SYT16: variants seen among roughly 807,000 people sequenced by gnomAD.
SYT16 encodes synaptotagmin 16, also known as synaptotagmin-16.
Under a neutral mutation model 61.4 loss-of-function variants are expected in SYT16, and 42 were observed. That is an observed-to-expected ratio of 0.68 (90% CI 0.53 to 0.89). SYT16 has a LOEUF of 0.89. SYT16 is among the 40% of genes least tolerant of loss of function. SYT16 has a pLI of 0.00. For synonymous variants in SYT16, 314 were observed against 302.3 expected (o/e 1.04, Z -0.40); for missense variants, 804 against 807.3 (o/e 1.00, Z 0.05).
intron 7 of SYT16, among the ~76,000 whole-genome samples, chr14:62,085,485 T>A (rs1443718343): frequency 1.3e-5 from 2 of 152,152 alleles, no homozygotes; most frequent in African/African-American, 2.4e-5. Context: ...GAAATCAGTA[T>A]ATTTGTGGCA....
intron 2 of SYT16, among the ~76,000 whole-genome samples, chr14:61,984,846 G>A (rs2052235364): frequency 6.6e-6 from 1 of 152,136 alleles, no homozygotes; most frequent in African/African-American, 2.4e-5. Context: ...CCACTATCAT[G>A]CCTAGAAAAC....
At chr14:61,831,605 C>G (rs1046951323) in intron 1 of SYT16, among the ~76,000 whole-genome samples, 1 of 152,172 alleles carries the variant, frequency 6.6e-6, no homozygotes, top group African/African-American at 2.4e-5. Context: ...GCATCTCTTT[C>G]TGTGTTTCTT....
chr14:61,895,322 A>G (rs2048289152), intron 1 of SYT16, among the ~76,000 whole-genome samples: 2 of 152,174 alleles, frequency 1.3e-5, no homozygotes, highest in South Asian at 4.1e-4. Flanking sequence ...TAGAGCACCA[A>G]GAAACTTTGC....
intron 7 of SYT16, among the ~76,000 whole-genome samples, chr14:62,085,417 A>G (rs2140986061): frequency 6.6e-6 from 1 of 152,304 alleles, no homozygotes; most frequent in South Asian, 2.1e-4. Flanking sequence ...AAGGGAGTAG[A>G]GTAGAGGGCT....
intron 3 of SYT16, among the ~76,000 whole-genome samples, chr14:62,013,185 TAAAAG>T (rs1458230438): frequency 6.6e-6 from 1 of 152,210 alleles, no homozygotes; most frequent in Non-Finnish European, 1.5e-5. Flanking sequence ...TATTTTTAAA[TAAAAG>T]GTGATCATTT....
intron 1 of SYT16, among the ~76,000 whole-genome samples, chr14:61,898,647 G>T (rs1350706358): frequency 6.6e-6 from 1 of 152,206 alleles, no homozygotes; most frequent in African/African-American, 2.4e-5. Flanking sequence ...ACTCCTTCCA[G>T]TGGGCACAGA....
At chr14:61,941,438 A>G (rs1285153018) in intron 1 of SYT16, among the ~76,000 whole-genome samples, 1 of 152,268 alleles carries the variant, frequency 6.6e-6, no homozygotes, top group Non-Finnish European at 1.5e-5. Flanking sequence ...GTTTTTTTCT[A>G]AATCTTCATT....
rs77145590 is a variant in SYT16, at chr14:62,093,853, A to T, written c.1625-6541A>T. Among the ~76,000 whole-genome samples, 1,098 of 152,254 alleles carry T rather than the reference A, an allele frequency of 7.2e-3. 7 individuals carry two copies. Among genetic ancestry groups the T allele is most frequent in the East Asian group, 0.038 (198 of 5,194 alleles). On this transcript the variant is annotated intron_variant, in intron 7 of 7. Transcript: ENST00000683842. ...ATATAGACTAGGCTGTGATGTAATG[A>T]TTAAACCCTGCTGACTCAGGGGCTT...
At chr14:61,971,175 C>G (rs1328052471) in intron 2 of SYT16, among the ~76,000 whole-genome samples, 1 of 151,948 alleles carries the variant, frequency 6.6e-6, no homozygotes, top group Non-Finnish European at 1.5e-5. Context: ...AGCTTTTTTG[C>G]CTTGTTACGA....
chr14:61,880,301 T>A lies in SYT16; in HGVS notation c.-325+67491T>A, dbSNP rs1054574952. Among the ~76,000 whole-genome samples, 21 of 152,166 alleles carry A rather than the reference T, an allele frequency of 1.4e-4. 1 individual carries two copies. Among genetic ancestry groups the A allele is most frequent in the Admixed American group, 3.9e-4 (6 of 15,278 alleles). On this transcript the variant is annotated intron_variant, in intron 1 of 7. Transcript: ENST00000683842. ...AACTTCCATATGTGGGTATGGGGGG[T>A]CTGTTTCTGGACTAGCAGGTCAGAG...
rs1372791041 is a variant in SYT16, at chr14:62,100,640, A to G, written c.1871A>G (p.His624Arg). Residue 624 changes from histidine (H) to arginine (R), a missense_variant, in exon 8 of 8, where the codon CAC becomes CGC. His to Arg is a conservative substitution (Grantham distance 29, BLOSUM62 0). Coordinates refer to ENST00000683842, the MANE Select transcript of SYT16 (RefSeq NM_001367656.1). ...QNSSGEEEQD[H>R]WEEMKETKGQ... Reference sequence around the variant, plus strand: ...AGCAGTGGAGAGGAGGAACAAGATCACTGGGAGGAGATGAAGGAAACCAAA... The same window carrying G: ...AGCAGTGGAGAGGAGGAACAAGATCGCTGGGAGGAGATGAAGGAAACCAAA... The G allele has an allele frequency of 1.2e-6, 2 of 1,613,872 alleles. No homozygotes were observed. The highest frequency in any genetic ancestry group is 1.7e-6 in the Non-Finnish European group (2 of 1,179,826).
chr14:61,906,948 A>AAATCATCTT (rs2048748351), intron 1 of SYT16, among the ~76,000 whole-genome samples: 1 of 152,228 alleles, frequency 6.6e-6, no homozygotes, highest in Non-Finnish European at 1.5e-5. Context: ...TAAAAATTAG[A>AAATCATCTT]AATCATCTTA....
intron 1 of SYT16, chr14:61,831,876 G>T (rs990083208): frequency 6.5e-6 from 3 of 462,662 alleles, no homozygotes; most frequent in Admixed American, 3.0e-5. Flanking sequence ...TCTTCCACTC[G>T]TTCTTGTCAT....
intron 3 of SYT16, among the ~76,000 whole-genome samples, chr14:62,035,399 A>G (rs2054468694): frequency 6.6e-6 from 1 of 152,192 alleles, no homozygotes; most frequent in Admixed American, 6.6e-5. Context: ...TTACCATTTT[A>G]TAATAGCTCT....
intron 1 of SYT16, chr14:61,832,100 A>G (rs1015877378): frequency 8.2e-6 from 6 of 731,428 alleles, no homozygotes; most frequent in African/African-American, 5.2e-5. Context: ...TCATCTCAGC[A>G]AAGCTCTCCT....
intron 2 of SYT16, among the ~76,000 whole-genome samples, chr14:61,982,127 C>G (rs1359722116): frequency 6.6e-6 from 1 of 152,078 alleles, no homozygotes; most frequent in Non-Finnish European, 1.5e-5. Context: ...TGGAGCCATT[C>G]TATGTTTGAA....
chr14:61,967,858 A>T, intron 1 of SYT16, among the ~76,000 whole-genome samples: 1 of 152,158 alleles, frequency 6.6e-6, no homozygotes, highest in East Asian at 1.9e-4. Flanking sequence ...TACATTTCAG[A>T]ATGATTGTTC....
chr14:61,841,421 T>G (rs1006870085), intron 1 of SYT16, among the ~76,000 whole-genome samples: 1 of 152,232 alleles, frequency 6.6e-6, no homozygotes, highest in Admixed American at 6.5e-5. Flanking sequence ...TTCATTAGCA[T>G]GTAATTAGAA....
At chr14:62,090,294 AG>A (rs1024424017) in intron 7 of SYT16, among the ~76,000 whole-genome samples, 7 of 152,254 alleles carry the variant, frequency 4.6e-5, no homozygotes, top group Non-Finnish European at 7.3e-5. Context: ...GTGCATGATT[AG>A]CCACACATGA....
Sources: gnomAD v4.1 joint callset for allele counts (sites outside exome capture counted in the v4.1 genomes callset) on GRCh38, gnomAD v4.1.1 for gene constraint, MANE v1.5 for transcripts, NCBI Gene and HGNC (gene_info 2026-07-23, HGNC 2026-07-21) for gene names.